Variants in FCN2 observed in about 807,000 individuals in gnomAD.
The protein encoded by FCN2 is ficolin 2.
A neutral mutation model predicts 32.5 loss-of-function variants in FCN2; 31 were observed. The observed-to-expected ratio is 0.96, with a 90% CI of 0.72 to 1.29. The LOEUF (loss-of-function observed/expected upper bound fraction) is 1.29, where lower values mean the gene tolerates loss of function less well. Among genes scored for constraint, FCN2 ranks in the 50% most tolerant of loss-of-function variants. FCN2 has a pLI of 0.00. For synonymous variants in FCN2, 181 were observed against 164.5 expected, an observed-to-expected ratio of 1.10 and a Z score of -0.77; for missense variants, 412 against 406.5, an observed-to-expected ratio of 1.01 and a Z score of -0.12.
chr9:134,867,391 C>G, the FCN2 span, among the ~76,000 whole-genome samples: 1 of 149,366 alleles, frequency 6.7e-6, no homozygotes, highest in South Asian at 2.1e-4. Flanking sequence ...ATCACAAGAA[C>G]AAAAAACCAA....
chr9:134,887,316 G>T lies in FCN2; in HGVS notation c.843G>T (p.Arg281Ser). 6.2e-7 allele frequency: 1 copy of T among 1,614,154 alleles called. No individual in the cohort carries two copies. The highest frequency in any genetic ancestry group is 8.5e-7 in the Non-Finnish European group (1 of 1,180,008). Residue 281 changes from arginine to serine, a missense_variant, in exon 8 of 8, where the codon AGG (arginine) becomes AGT (serine). Coordinates refer to ENST00000291744, the MANE Select transcript of FCN2 (RefSeq NM_004108.3). ...CAAACCTGAATGGTCGCTACCTCAG[G>T]GGGACTCATGGCAGCTTTGCAAATG... ...HVSNLNGRYLRGTHGSFANGI... is the reference protein window; with the variant it reads ...HVSNLNGRYLSGTHGSFANGI...
upstream of FCN2, among the ~76,000 whole-genome samples, chr9:134,878,456 A>G (rs1426474867): frequency 6.6e-6 from 1 of 152,178 alleles, no homozygotes; most frequent in African/African-American, 2.4e-5. Context: ...GTGTGTTATC[A>G]TCTGTGGGCA....
the FCN2 span, among the ~76,000 whole-genome samples, chr9:134,864,485 G>A: frequency 6.6e-6 from 1 of 152,200 alleles, no homozygotes; most frequent in African/African-American, 2.4e-5. Flanking sequence ...CCCCACTGGG[G>A]TTGGGAAATG....
intron 5 of FCN2, 35 bp from the exon 6 acceptor site, chr9:134,885,733 G>C: frequency 1.9e-6 from 3 of 1,612,766 alleles, no homozygotes; most frequent in Non-Finnish European, 2.5e-6. Flanking sequence ...CGTCGGCCTG[G>C]CCCCCCCGGC....
intron 3 of FCN2, among the ~76,000 whole-genome samples, chr9:134,883,985 G>GC (rs945360255): frequency 1.7e-4 from 26 of 149,378 alleles, no homozygotes; most frequent in South Asian, 2.2e-4. Context: ...AGGGTGGGGG[G>GC]GGATTGTCTG....
At chr9:134,871,941 C>G in the FCN2 span, among the ~76,000 whole-genome samples, 1 of 151,644 alleles carries the variant, frequency 6.6e-6, no homozygotes, top group Non-Finnish European at 1.5e-5. Context: ...CACCCACCCC[C>G]ACCCGGCCCC....
the FCN2 span, among the ~76,000 whole-genome samples, chr9:134,868,669 T>C: frequency 6.6e-6 from 1 of 152,176 alleles, no homozygotes; most frequent in Non-Finnish European, 1.5e-5. The surrounding 1 kb of genome is among the most constrained non-coding windows in gnomAD (Gnocchi z 4.3). Context: ...GCCTCCCATC[T>C]GCAAGGCTAG....
At chr9:134,874,202 C>T in the FCN2 span, among the ~76,000 whole-genome samples, 1 of 152,170 alleles carries the variant, frequency 6.6e-6, no homozygotes, top group Non-Finnish European at 1.5e-5. Flanking sequence ...AGTTAGGAGC[C>T]ACTGTGCCCA....
rs750066186 is a variant in FCN2 at position 134,885,382 on chromosome 9, G to A, written c.429+16G>A. 1 of 1,611,642 alleles carries A rather than the reference G, an allele frequency of 6.2e-7. No homozygotes were observed. ...GGGCTGGACCGTGAGTGTGGGGCTG[G>A]GCAGAGGCGGTCAGCCTGGGAGTCC... On this transcript the variant is annotated intron_variant, in intron 5 of 7. Transcript: ENST00000291744.
intron 3 of FCN2, 48 bp downstream of exon 3, chr9:134,883,403 C>G: frequency 6.5e-7 from 1 of 1,543,596 alleles, no homozygotes; most frequent in Non-Finnish European, 9.0e-7. Flanking sequence ...CCTTCCAGAC[C>G]TGGCTGCAGA....
At chr9:134,886,033 T>C in intron 6 of FCN2, 136 bp downstream of exon 6, 5 of 928,722 alleles carry the variant, frequency 5.4e-6, no homozygotes, top group Non-Finnish European at 8.0e-6. Flanking sequence ...AGGGTGGCAC[T>C]GGGACCTCCG....
chr9:134,879,661 G>A (rs780628783), upstream of FCN2, among the ~76,000 whole-genome samples: 19 of 152,240 alleles, frequency 1.2e-4, no homozygotes, highest in Admixed American at 7.8e-4. Flanking sequence ...TAAACACCAC[G>A]GAACCCGAGG....
the FCN2 span, among the ~76,000 whole-genome samples, chr9:134,874,351 A>G: frequency 2.0e-5 from 3 of 152,060 alleles, no homozygotes; most frequent in Non-Finnish European, 4.4e-5. Flanking sequence ...ATACTTTTCT[A>G]TTTCCCACTG....
chr9:134,881,473 G>A (rs989682496), intron 1 of FCN2, among the ~76,000 whole-genome samples: 3 of 152,128 alleles, frequency 2.0e-5, no homozygotes, highest in Admixed American at 1.3e-4. Flanking sequence ...CCTCCTTCGG[G>A]GCTCCCGAGG....
chr9:134,885,475 A>T (rs1298311572), intron 5 of FCN2, 109 bp downstream of exon 5: 1 of 1,513,352 alleles, frequency 6.6e-7, no homozygotes. Flanking sequence ...GGTCGGGGAC[A>T]GTCAGAGATG....
chr9:134,886,395 C>T (rs781173847), intron 6 of FCN2, 35 bp from the exon 7 acceptor site: 1 of 1,613,778 alleles, frequency 6.2e-7, no homozygotes, highest in Non-Finnish European at 8.5e-7. Flanking sequence ...GGTAGAGAGC[C>T]CTTCCGCTGA....
the FCN2 span, among the ~76,000 whole-genome samples, chr9:134,865,115 G>A: frequency 6.6e-6 from 1 of 152,248 alleles, no homozygotes; most frequent in Non-Finnish European, 1.5e-5. Flanking sequence ...TCAAGTCCCA[G>A]CTCTGCAGGG....
At chr9:134,867,407 G>A in the FCN2 span, among the ~76,000 whole-genome samples, 20 of 147,996 alleles carry the variant, frequency 1.4e-4, 1 homozygote, top group African/African-American at 3.8e-4. Context: ...ACCAAACACC[G>A]CATATTCTCA....
the FCN2 span, among the ~76,000 whole-genome samples, chr9:134,869,499 G>A: frequency 6.6e-6 from 1 of 151,840 alleles, no homozygotes; most frequent in East Asian, 1.9e-4. Context: ...CCCCAGCCTC[G>A]GTCTCTCTCC....
Sources: gnomAD v4.1 joint callset for allele counts (sites outside exome capture counted in the v4.1 genomes callset) on GRCh38, gnomAD v4.1.1 for gene constraint, Gnocchi (gnomAD v3.1) non-coding constraint, MANE v1.5 for transcripts, NCBI Gene and HGNC (gene_info 2026-07-23, HGNC 2026-07-21) for gene names.